MTHFD2L: variants seen among roughly 807,000 people sequenced by gnomAD.
The protein encoded by MTHFD2L is bifunctional methylenetetrahydrofolate dehydrogenase/cyclohydrolase 2, mitochondrial.
In MTHFD2L, 29 loss-of-function variants were observed where a neutral mutation model predicts 34.9. The ratio of observed to expected loss-of-function variants is 0.83; its 90% CI spans 0.62 to 1.13. The LOEUF is 1.13. Among genes scored for constraint, MTHFD2L ranks in the 50% most tolerant of loss-of-function variants. The probability of loss-of-function intolerance (pLI) is 0.00; values close to 1 mark genes in which losing one functional copy is unlikely to be tolerated. For missense variants in MTHFD2L, 481 were observed against 446.5 expected (o/e 1.08, Z -0.70); for synonymous variants, 167 against 155.7 (o/e 1.07, Z -0.54).
Position 74,256,080 on chromosome 4 carries a change from T to C in MTHFD2L, c.806-25345T>C, listed in dbSNP as rs544065925. Among the ~76,000 whole-genome samples, 30 of 152,340 alleles carry C rather than the reference T, an allele frequency of 2.0e-4. No individual in the cohort carries two copies. The South Asian group carries it at 5.6e-3, about 28-fold the overall frequency. On this transcript the variant is annotated intron_variant, in intron 6 of 7. Coordinates refer to ENST00000325278, the MANE Select transcript of MTHFD2L (RefSeq NM_001144978.3). ...TAAGTTATTTGAGAAATCTCCAAGC[T>C]GCTTTCCACAGTGGCTAAACTAATT...
Position 74,174,564 on chromosome 4 carries a change from C to A in MTHFD2L, c.202C>A (p.Gln68Lys). 6.2e-7 allele frequency: 1 copy of A among 1,604,234 alleles called. No individual in the cohort carries two copies. Among genetic ancestry groups the A allele is most frequent in the Non-Finnish European group, 8.5e-7 (1 of 1,175,952 alleles). ...EMAKHIQKEI[Q>K]RGVESWVSLG... ...GGCCAAGCATATCCAGAAAGAAATACAGCGAGGTGTGGAATCATGGGTTTC... is the reference window on the plus strand; with the variant it reads ...GGCCAAGCATATCCAGAAAGAAATAAAGCGAGGTGTGGAATCATGGGTTTC... Residue 68 changes from glutamine (Q) to lysine (K), a missense_variant, in exon 2 of 8, where the codon CAG becomes AAG. Gln to Lys is a moderately conservative substitution (Grantham distance 53). Coordinates refer to ENST00000325278, the MANE Select transcript of MTHFD2L (RefSeq NM_001144978.3).
chr4:74,293,702 C>G (rs1749289160), intron 7 of MTHFD2L: 2 of 159,222 alleles, frequency 1.3e-5, no homozygotes, highest in Admixed American at 1.3e-4. Flanking sequence ...TTCTATCAAC[C>G]ATATGAGAAA....
chr4:74,266,910 G>T (rs2110236152), intron 6 of MTHFD2L: 1 of 985,222 alleles, frequency 1.0e-6, no homozygotes, highest in Non-Finnish European at 1.2e-6. Context: ...TCATTTCTTT[G>T]TATTATCTAG....
chr4:74,295,185 C>G lies in MTHFD2L; in HGVS notation c.932-6512C>G, dbSNP rs1749480147. ...TTGACCCCATATAGCCCATGATCAC[C>G]TCCCCGGCCTCCTCTCTTTCTTCTC... On this transcript the variant is annotated intron_variant, in intron 7 of 7. Coordinates refer to ENST00000325278, the MANE Select transcript of MTHFD2L (RefSeq NM_001144978.3). Among the ~76,000 whole-genome samples, 3 of 152,086 alleles carry G rather than the reference C, an allele frequency of 2.0e-5. No homozygotes were observed. In the South Asian group the frequency reaches 6.2e-4, roughly 32 times the overall value.
In MTHFD2L at chr4:74,158,166, C is replaced by A. The variant is rs1342379488; in HGVS notation, c.28C>A (p.Leu10Met). The A allele has an allele frequency of 6.5e-7, 1 of 1,529,388 alleles. No homozygotes were observed. The highest frequency in any genetic ancestry group is 8.8e-7 in the Non-Finnish European group (1 of 1,139,492). The allele number at this position is 1,529,388 out of a possible 1,614,324, so 94.7% of individuals were successfully genotyped here. MTVPVRGFS[L>M]LRGRLGRAPA... ...GACGGTGCCGGTCCGCGGCTTCTCG[C>A]TGCTCCGCGGCCGCCTTGGCCGAGC... Residue 10 changes from leucine (L) to methionine (M), a missense_variant, in exon 1 of 8, where the codon CTG becomes ATG. Leu to Met is a conservative substitution (Grantham distance 15). Coordinates refer to ENST00000325278, the MANE Select transcript of MTHFD2L (RefSeq NM_001144978.3).
chr4:74,303,073 T>G lies in MTHFD2L; in HGVS notation c.*1264T>G, dbSNP rs562548546. 6.6e-6 allele frequency: 1 copy of G among 152,280 alleles called. No individual in the cohort carries two copies. Among genetic ancestry groups the G allele is most frequent in the African/African-American group, 2.4e-5 (1 of 41,570 alleles). 9.4% of individuals were successfully genotyped at this position (152,280 alleles called of 1,614,324 possible). On this transcript the variant is annotated 3_prime_UTR_variant, in exon 8 of 8. Coordinates refer to ENST00000325278, the MANE Select transcript of MTHFD2L (RefSeq NM_001144978.3). ...TGTTTATAATTAATACCATTACAACTGTATAATAAAAGCAATTTGAAGAAA... is the reference window on the plus strand; with the variant it reads ...TGTTTATAATTAATACCATTACAACGGTATAATAAAAGCAATTTGAAGAAA...
chr4:74,298,515 G>A (rs1749900855), intron 7 of MTHFD2L, among the ~76,000 whole-genome samples: 1 of 151,928 alleles, frequency 6.6e-6, no homozygotes, highest in Admixed American at 6.6e-5. Context: ...GCAAAAGAAT[G>A]CAATAGTAAG....
At chr4:74,274,363 A>G (rs1253437043) in intron 6 of MTHFD2L, among the ~76,000 whole-genome samples, 8 of 152,194 alleles carry the variant, frequency 5.3e-5, no homozygotes, top group Non-Finnish European at 1.2e-4. Flanking sequence ...AAGACAAAAT[A>G]AATGCAGTTC....
At chr4:74,269,879 AG>A (rs1251994420) in intron 6 of MTHFD2L, among the ~76,000 whole-genome samples, 1 of 152,182 alleles carries the variant, frequency 6.6e-6, no homozygotes, top group Non-Finnish European at 1.5e-5. Flanking sequence ...TTCCAGAAGA[AG>A]GCAGATAAGT....
intron 6 of MTHFD2L, among the ~76,000 whole-genome samples, chr4:74,229,669 C>T (rs1206125849): frequency 6.6e-6 from 1 of 152,124 alleles, no homozygotes; most frequent in Non-Finnish European, 1.5e-5. Flanking sequence ...TCCAGTTTCT[C>T]ATAGTACTAC....
intron 3 of MTHFD2L, among the ~76,000 whole-genome samples, chr4:74,189,205 T>C (rs1199267092): frequency 1.3e-5 from 2 of 152,182 alleles, no homozygotes; most frequent in African/African-American, 4.8e-5. Context: ...CACAAGCCCA[T>C]GAATTATGAT....
intron 1 of MTHFD2L, among the ~76,000 whole-genome samples, chr4:74,133,312 T>C (rs1722686379): frequency 6.6e-6 from 1 of 152,182 alleles, no homozygotes; most frequent in African/African-American, 2.4e-5. Flanking sequence ...TGAATCTGTT[T>C]GGTGTTCCCT....
At chr4:74,217,505 TCA>T (rs909897100) in intron 5 of MTHFD2L, among the ~76,000 whole-genome samples, 4 of 151,966 alleles carry the variant, frequency 2.6e-5, no homozygotes, top group African/African-American at 9.7e-5. Flanking sequence ...TGATTTTCTC[TCA>T]GTGATTTCTC....
chr4:74,124,387 C>T (rs556321143), upstream of MTHFD2L, among the ~76,000 whole-genome samples: 26 of 151,650 alleles, frequency 1.7e-4, no homozygotes, highest in African/African-American at 6.0e-4. Context: ...CTATAAATAA[C>T]ATTATAGCAT....
At chr4:74,200,289 G>A (rs1275401010) in intron 4 of MTHFD2L, among the ~76,000 whole-genome samples, 1 of 151,942 alleles carries the variant, frequency 6.6e-6, no homozygotes, top group Non-Finnish European at 1.5e-5. Flanking sequence ...TTCAGCCTGG[G>A]CGACAGAGCA....
rs530030021 is a variant in MTHFD2L at position 74,284,584 on chromosome 4, G to T, written c.931+3034G>T. Among the ~76,000 whole-genome samples, 41 of 151,202 alleles carry T rather than the reference G, an allele frequency of 2.7e-4. No homozygotes were observed. In the South Asian group the frequency reaches 8.7e-3, roughly 32 times the overall value. On this transcript the variant is annotated intron_variant, in intron 7 of 7. Transcript: ENST00000325278. Reference sequence around the variant, plus strand: ...AGTTCTTTGTAGATTCTGGATATTAGCCCTTTATCATATAAGTAGATGCAA... The same window carrying T: ...AGTTCTTTGTAGATTCTGGATATTATCCCTTTATCATATAAGTAGATGCAA...
At chr4:74,271,407 G>A (rs377499720) in intron 6 of MTHFD2L, among the ~76,000 whole-genome samples, 2,881 of 152,254 alleles carry the variant, frequency 0.019, 30 homozygotes, top group Middle Eastern at 0.048. Context: ...AGTTTTCCCA[G>A]CACCATTTAT....
chr4:74,116,427 T>A (rs530809436), intron 2 of MTHFD2L, among the ~76,000 whole-genome samples: 10 of 152,042 alleles, frequency 6.6e-5, no homozygotes, highest in African/African-American at 2.4e-4. Flanking sequence ...TGTAAAGAAA[T>A]AAAGTCAGAG....
chr4:74,238,338 T>G (rs1741155281), intron 6 of MTHFD2L, among the ~76,000 whole-genome samples: 1 of 152,110 alleles, frequency 6.6e-6, no homozygotes, highest in Admixed American at 6.6e-5. Flanking sequence ...AGTCCTTTCT[T>G]TTTACTCATT....
Sources: allele counts gnomAD v4.1 joint callset (sites outside exome capture counted in the v4.1 genomes callset), GRCh38; gene constraint gnomAD v4.1.1; transcripts MANE v1.5; gene names NCBI Gene and HGNC (gene_info 2026-07-23, HGNC 2026-07-21).